The following ATP6V0A1 variants were observed in gnomAD, a reference collection of about 807,000 sequenced individuals.
ATP6V0A1 encodes the protein ATPase H+ transporting V0 subunit a1, also known as V-type proton ATPase 116 kDa subunit a 1.
A neutral mutation model predicts 105.4 loss-of-function variants in ATP6V0A1; 43 were observed. That is an observed-to-expected ratio of 0.41 (90% CI 0.32 to 0.53). ATP6V0A1 has a LOEUF of 0.53. Ranked by LOEUF, ATP6V0A1 falls within the 20% of genes least tolerant of loss-of-function variation. ATP6V0A1 has a pLI of 0.30. For synonymous variants in ATP6V0A1, 362 were observed against 372.8 expected, an observed-to-expected ratio of 0.97 and a Z score of 0.33; for missense variants, 676 against 1,051.1, an observed-to-expected ratio of 0.64 and a Z score of 4.93.
chr17:42,471,878 C>A (rs540748069), intron 5 of ATP6V0A1, among the ~76,000 whole-genome samples: 2 of 152,178 alleles, frequency 1.3e-5, no homozygotes, highest in South Asian at 2.1e-4. Flanking sequence ...TGTGGTTTTT[C>A]TGATGGCCTA....
rs1388861562 is a variant in ATP6V0A1, at chr17:42,521,912, C to G, written c.*792C>G. On this transcript the variant is annotated 3_prime_UTR_variant, in exon 22 of 22. Coordinates refer to ENST00000343619, the MANE Select transcript of ATP6V0A1 (RefSeq NM_001130021.3). This position sits in a 1 kb window ranked among gnomAD's most constrained non-coding sequence, Gnocchi z 4.8. ...CATGGGCCCTGCCCACAAGCACACC[C>G]TCAGGCCGAGGGTGCAGACTGATGC... 3 of 152,714 alleles carry G rather than the reference C, an allele frequency of 2.0e-5. No homozygotes were observed. Among genetic ancestry groups the G allele is most frequent in the East Asian group, 1.9e-4 (1 of 5,324 alleles). The allele number at this position is 152,714 out of a possible 1,614,324, so 9.5% of individuals were successfully genotyped here.
intron 6 of ATP6V0A1, among the ~76,000 whole-genome samples, chr17:42,478,223 A>C (rs1157657670): frequency 1.9e-5 from 1 of 52,058 alleles, no homozygotes; most frequent in Non-Finnish European, 3.5e-5. Context: ...GGGTGGGGGG[A>C]GGGGGGAGGG....
chr17:42,503,378 A>G (rs999237095), intron 17 of ATP6V0A1, among the ~76,000 whole-genome samples: 2 of 152,186 alleles, frequency 1.3e-5, no homozygotes, highest in Non-Finnish European at 2.9e-5. Flanking sequence ...GTTTTTTGTG[A>G]GAAACTCAGA....
chr17:42,467,940 C>G, intron 3 of ATP6V0A1, 70 bp from the exon 4 acceptor site: 2 of 1,026,262 alleles, frequency 1.9e-6, no homozygotes. Flanking sequence ...GATGTTAATT[C>G]TTTTCCTTAA....
chr17:42,459,401 G>T (rs1171432646), intron 1 of ATP6V0A1, among the ~76,000 whole-genome samples: 1 of 152,214 alleles, frequency 6.6e-6, no homozygotes, highest in African/African-American at 2.4e-5. Flanking sequence ...ATTCTTCTAG[G>T]CAGGGCGCGG....
intron 5 of ATP6V0A1, 83 bp from the exon 6 acceptor site, chr17:42,477,577 T>C: frequency 7.1e-7 from 1 of 1,414,068 alleles, no homozygotes; most frequent in Non-Finnish European, 9.8e-7. Flanking sequence ...TGTCTCCTGG[T>C]TCCTCGTTGC....
At chr17:42,466,081 AAAG>A in intron 2 of ATP6V0A1, among the ~76,000 whole-genome samples, 1 of 152,346 alleles carries the variant, frequency 6.6e-6, no homozygotes, top group Non-Finnish European at 1.5e-5. Context: ...GCTTGGAAAG[AAAG>A]AAGGAAAACC....
At chr17:42,499,195 G>A (rs2091453423) in intron 15 of ATP6V0A1, among the ~76,000 whole-genome samples, 153 bp downstream of exon 15, 1 of 152,190 alleles carries the variant, frequency 6.6e-6, no homozygotes, top group African/African-American at 2.4e-5. Context: ...GTGTGGCCAG[G>A]CGCGGTGGAT....
chr17:42,509,285 G>A (rs1158782774), intron 19 of ATP6V0A1, among the ~76,000 whole-genome samples: 4 of 152,110 alleles, frequency 2.6e-5, no homozygotes. Flanking sequence ...GCCACATCTC[G>A]AGTAGAAGGC....
Position 42,460,827 on chromosome 17 carries a change from GTCA to G in ATP6V0A1, c.-47-19_-47-17del. 7.6e-7 allele frequency: 1 copy of G among 1,320,534 alleles called. No individual in the cohort carries two copies. The highest frequency in any genetic ancestry group is 1.5e-5 in the African/African-American group (1 of 68,718). The allele number at this position is 1,320,534 out of a possible 1,614,324, so 81.8% of individuals were successfully genotyped here. A position where few individuals can be genotyped will look rare whatever the true frequency, so the allele number is the denominator to read the frequency against. On this transcript the variant is annotated intron_variant, in intron 1 of 21. Coordinates refer to ENST00000343619, the MANE Select transcript of ATP6V0A1 (RefSeq NM_001130021.3). The stretch of plus-strand genomic sequence containing the variant: ...CCCTCGTGGTAATTTCCAAAGTTAT[GTCA>G]TTTTCTCTTTGCTTCAGGTTGGAGA...
In ATP6V0A1 at chr17:42,500,779, C is replaced by G. The variant is rs1320156041; in HGVS notation, c.1752C>G (p.Gly584=). 1 of 1,613,770 alleles carries G rather than the reference C, an allele frequency of 6.2e-7. No homozygotes were observed. The highest frequency in any genetic ancestry group is 8.5e-7 in the Non-Finnish European group (1 of 1,179,858). ...TAATCTTCATGACCTCTTTGTTTGG[C>G]TATTTGGTTATCCTTATTTTTTACA... ...PEIIFMTSLF[G]YLVILIFYKW... Residue 584 remains glycine, a synonymous_variant, in exon 16 of 22, where the codon GGC becomes GGG. Coordinates refer to ENST00000343619, the MANE Select transcript of ATP6V0A1 (RefSeq NM_001130021.3).
chr17:42,490,758 A>AG, intron 11 of ATP6V0A1, 121 bp downstream of exon 11: 1 of 1,058,738 alleles, frequency 9.4e-7, no homozygotes. Context: ...GCACGACTGT[A>AG]GTTCACTGCA....
At position 42,478,472 on chromosome 17, in the gene ATP6V0A1, T is replaced by C. The variant is rs1004817926; in HGVS notation, c.516T>C (p.Ala172=). The C allele has an allele frequency of 2.5e-6, 4 of 1,603,716 alleles. No individual in the cohort carries two copies. In the Admixed American group the frequency reaches 6.7e-5, roughly 27 times the overall value. The change falls in exon 7 of 22, where the codon GCT becomes GCC. Residue 172 remains alanine, a synonymous_variant. Coordinates refer to ENST00000343619, the MANE Select transcript of ATP6V0A1 (RefSeq NM_001130021.3). The stretch of plus-strand genomic sequence containing the variant: ...CCTCTTCTCCCCACAGCTTCGTGGC[T>C]GGTGTCATTAACCGGGAGCGCATCC... ...RGTPLRLGFV[A]GVINRERIPT...
rs775355134 is a variant in ATP6V0A1, at chr17:42,481,226, CT to C, written c.716+491del. The C allele has an allele frequency of 9.7e-4, 135 of 138,918 alleles. 1 individual carries two copies. Among genetic ancestry groups the C allele is most frequent in the East Asian group, 2.3e-3 (11 of 4,738 alleles). 8.6% of individuals were successfully genotyped at this position (138,918 alleles called of 1,614,324 possible). On this transcript the variant is annotated intron_variant, in intron 8 of 21. Coordinates refer to ENST00000343619, the MANE Select transcript of ATP6V0A1 (RefSeq NM_001130021.3). ...GCGTGAGCCACTAAATTCTTTTTCT[CT>C]TTTTTTTTTTTTTCTGACCGAGTCT...
intron 21 of ATP6V0A1, chr17:42,519,394 A>AT (rs1211837453): frequency 1.3e-5 from 2 of 152,224 alleles, no homozygotes; most frequent in Non-Finnish European, 2.9e-5. Flanking sequence ...CAAGGCTGAC[A>AT]TTCACTCCTA....
At chr17:42,492,904 G>A (rs1598925040) in intron 11 of ATP6V0A1, among the ~76,000 whole-genome samples, 1 of 151,916 alleles carries the variant, frequency 6.6e-6, no homozygotes, top group East Asian at 1.9e-4. Context: ...TGTAATCCCA[G>A]CTACTCAGGA....
intron 20 of ATP6V0A1, 89 bp downstream of exon 20, chr17:42,514,067 C>G: frequency 7.0e-7 from 1 of 1,426,222 alleles, no homozygotes; most frequent in Non-Finnish European, 9.8e-7. Context: ...ATGGAAATTA[C>G]ATGAAGGTTC....
intron 7 of ATP6V0A1, among the ~76,000 whole-genome samples, chr17:42,479,997 C>CT (rs932429935): frequency 6.6e-6 from 1 of 152,194 alleles, no homozygotes; most frequent in Non-Finnish European, 1.5e-5. Flanking sequence ...TCCTCATCCC[C>CT]TTTTATCCTT....
At chr17:42,501,385 A>G in intron 17 of ATP6V0A1, 81 bp downstream of exon 17, 1 of 1,009,924 alleles carries the variant, frequency 9.9e-7, no homozygotes, top group East Asian at 2.4e-5. Flanking sequence ...GATATAATTA[A>G]TTGTGCACAA....
Sources: allele counts gnomAD v4.1 joint callset (sites outside exome capture counted in the v4.1 genomes callset), GRCh38; gene constraint gnomAD v4.1.1; non-coding constraint Gnocchi (gnomAD v3.1); transcripts MANE v1.5; gene names NCBI Gene and HGNC (gene_info 2026-07-23, HGNC 2026-07-21).